The following TULP4 variants were observed in gnomAD, a reference collection of about 807,000 sequenced individuals.
TULP4 encodes the protein TUB like protein 4, also known as tubby-related protein 4.
A neutral mutation model predicts 129.0 loss-of-function variants in TULP4; 16 were observed. The observed-to-expected ratio is 0.12, with a 90% CI of 0.08 to 0.19. The LOEUF is 0.19. Among genes scored for constraint, TULP4 ranks in the 10% least tolerant of loss-of-function variants. The probability of loss-of-function intolerance (pLI) is 1.00; values close to 1 mark genes in which losing one functional copy is unlikely to be tolerated. For missense variants in TULP4, 1,842 were observed against 2,059.1 expected, an observed-to-expected ratio of 0.89 and a Z score of 2.04; for synonymous variants, 998 against 854.0, an observed-to-expected ratio of 1.17 and a Z score of -2.94.
rs764765955 is a variant in TULP4 at position 158,502,091 on chromosome 6, C to G, written c.2428C>G (p.Gln810Glu). 6.2e-7 allele frequency: 1 copy of G among 1,611,444 alleles called. No individual in the cohort carries two copies. The highest frequency in any genetic ancestry group is 1.3e-5 in the African/African-American group (1 of 74,840). Residue 810 changes from glutamine to glutamate, a missense_variant, in exon 13 of 14, where the codon CAG (glutamine) becomes GAG (glutamate). Physicochemically the swap from Gln to Glu is conservative, Grantham distance 29. This residue lies in a region of TULP4 where 1,089 missense variants were observed against 987.1 expected (regional missense o/e 1.10). Transcript: ENST00000367097. The stretch of plus-strand genomic sequence containing the variant: ...AGCCAAGGCCCTGCGGCCAACACCG[C>G]AGCTGGCAGCTGAGGGGGACGCAGT... ...KSAKALRPTP[Q>E]LAAEGDAVVF... is the part of the protein sequence containing the mutation.
chr6:158,302,254 G>C (rs992399913), intron 1 of TULP4, among the ~76,000 whole-genome samples: 3 of 152,152 alleles, frequency 2.0e-5, no homozygotes, highest in African/African-American at 7.2e-5. Flanking sequence ...CGAGCTGCAG[G>C]CTCCTGATTA....
At chr6:158,492,107 C>T (rs931912138) in intron 9 of TULP4, among the ~76,000 whole-genome samples, 1 of 152,208 alleles carries the variant, frequency 6.6e-6, no homozygotes, top group Non-Finnish European at 1.5e-5. Flanking sequence ...ATCCGCCCGC[C>T]TTGGCCTCCC....
intron 2 of TULP4, among the ~76,000 whole-genome samples, chr6:158,429,260 T>C (rs144397533): frequency 2.1e-4 from 32 of 152,328 alleles, no homozygotes; most frequent in African/African-American, 7.7e-4. Context: ...CACCTCTGCC[T>C]CCCAAGTGGC....
intron 8 of TULP4, among the ~76,000 whole-genome samples, chr6:158,487,539 A>G (rs1374121527): frequency 3.3e-5 from 5 of 152,264 alleles, no homozygotes; most frequent in Admixed American, 6.5e-5. Context: ...ATTGTAGTTA[A>G]GCCATAGGTT....
chr6:158,458,240 A>G (rs1448872809), intron 5 of TULP4, among the ~76,000 whole-genome samples: 1 of 152,244 alleles, frequency 6.6e-6, no homozygotes, highest in African/African-American at 2.4e-5. Context: ...CAAAAGAACT[A>G]AATTTTCACT....
At chr6:158,494,907 C>T (rs768572023) in intron 11 of TULP4, 61 bp downstream of exon 11, 175 of 1,455,510 alleles carry the variant, frequency 1.2e-4, no homozygotes, top group Admixed American at 2.8e-4. Context: ...CGTCCAGTTT[C>T]CACCTTTAGT....
intron 8 of TULP4, among the ~76,000 whole-genome samples, chr6:158,485,634 T>C (rs1000903047): frequency 5.9e-5 from 9 of 152,268 alleles, no homozygotes; most frequent in African/African-American, 2.2e-4. Flanking sequence ...GCAGGCCAGA[T>C]GGCCTTTGCA....
At chr6:158,470,142 T>C (rs1779645955) in intron 6 of TULP4, among the ~76,000 whole-genome samples, 1 of 152,182 alleles carries the variant, frequency 6.6e-6, no homozygotes, top group South Asian at 2.1e-4. Context: ...ATGGCAAGCC[T>C]TTAGCCTGAT....
intron 1 of TULP4, among the ~76,000 whole-genome samples, chr6:158,277,233 G>A (rs1280533903): frequency 6.6e-6 from 1 of 152,164 alleles, no homozygotes; most frequent in Non-Finnish European, 1.5e-5. Context: ...GAGCCACCAT[G>A]CCCAGCCCTA....
In TULP4 at chr6:158,328,119, TGTGTGTGTGCGTGC is replaced by T. The variant is rs1267399910; in HGVS notation, c.252+13855_252+13868del. On this transcript the variant is annotated intron_variant, in intron 1 of 13. Transcript: ENST00000367097. ...GTGTGTGTGTGTGTGTGTGTGTGTGTGTGTGTGTGCGTGCGTGCTGGGAAAGAGGTAGACCTAGT... is the reference window on the plus strand; with the variant it reads ...GTGTGTGTGTGTGTGTGTGTGTGTGTGTGCTGGGAAAGAGGTAGACCTAGT... Among the ~76,000 whole-genome samples, 306 of 79,736 alleles carry T rather than the reference TGTGTGTGTGCGTGC, an allele frequency of 3.8e-3. 6 individuals are homozygous for T. Among genetic ancestry groups the T allele is most frequent in the South Asian group, 0.01 (26 of 2,558 alleles). The allele number at this position is 79,736 out of a possible 152,430, so 52.3% of individuals were successfully genotyped here. A position where few individuals can be genotyped will look rare whatever the true frequency, so the allele number is the denominator to read the frequency against.
chr6:158,475,216 T>C (rs890173531), intron 6 of TULP4, among the ~76,000 whole-genome samples: 5 of 152,134 alleles, frequency 3.3e-5, no homozygotes, highest in African/African-American at 1.2e-4. Context: ...AGCCTCAGCA[T>C]TGAGGGGGAG....
intron 1 of TULP4, among the ~76,000 whole-genome samples, chr6:158,393,767 C>CT (rs1310375623): frequency 6.6e-6 from 1 of 152,204 alleles, no homozygotes; most frequent in Non-Finnish European, 1.5e-5. Flanking sequence ...TTCATTTTTT[C>CT]TTCCTAGGCC....
chr6:158,306,847 C>T (rs1779224234), intron 1 of TULP4, among the ~76,000 whole-genome samples: 1 of 152,106 alleles, frequency 6.6e-6, no homozygotes, highest in South Asian at 2.1e-4. Context: ...TGGCGAAACC[C>T]TGTCTCTACA....
chr6:158,309,465 C>T (rs567272892), upstream of TULP4, among the ~76,000 whole-genome samples: 1 of 148,140 alleles, frequency 6.8e-6, no homozygotes, highest in Non-Finnish European at 1.5e-5. Context: ...CAGGCAGAGA[C>T]GCTCCTCACT....
intron 10 of TULP4, among the ~76,000 whole-genome samples, chr6:158,494,540 T>C (rs543376785): frequency 1.3e-5 from 2 of 152,114 alleles, no homozygotes; most frequent in South Asian, 4.2e-4. Flanking sequence ...CCCCCACCTT[T>C]CCCCCAGCTC....
chr6:158,424,867 A>G (rs117200736), intron 2 of TULP4, among the ~76,000 whole-genome samples: 38 of 151,958 alleles, frequency 2.5e-4, no homozygotes, highest in Admixed American at 2.3e-3. Context: ...AAGTTAGACA[A>G]TGTCGGCTGG....
intron 1 of TULP4, among the ~76,000 whole-genome samples, chr6:158,234,910 T>C (rs1777660076): frequency 6.6e-6 from 1 of 152,214 alleles, no homozygotes; most frequent in South Asian, 2.1e-4. Flanking sequence ...CTCCCGCCTA[T>C]AATCCCAGTA....
At chr6:158,351,248 G>A (rs1453639548) in intron 1 of TULP4, among the ~76,000 whole-genome samples, 2 of 152,176 alleles carry the variant, frequency 1.3e-5, no homozygotes, top group Non-Finnish European at 1.5e-5. Flanking sequence ...GCTTGATTAA[G>A]CCCATTCTTT....
intron 5 of TULP4, among the ~76,000 whole-genome samples, chr6:158,457,856 G>T (rs1286090059): frequency 1.3e-5 from 2 of 152,004 alleles, no homozygotes; most frequent in Non-Finnish European, 2.9e-5. Context: ...GATAAGATTT[G>T]CCCACGTCGT....
Sources: gnomAD v4.1 joint callset for allele counts (sites outside exome capture counted in the v4.1 genomes callset) on GRCh38, gnomAD v4.1.1 for gene constraint, gnomAD v4.1.1 regional missense constraint, MANE v1.5 for transcripts, NCBI Gene and HGNC (gene_info 2026-07-23, HGNC 2026-07-21) for gene names.